Variants in ARGLU1 observed in about 807,000 individuals in gnomAD.
The protein encoded by ARGLU1 is arginine and glutamate-rich protein 1.
ARGLU1 carries 9 observed loss-of-function variants against 37.6 expected under a neutral mutation model. The observed-to-expected ratio is 0.24, with a 90% CI of 0.14 to 0.42. The LOEUF (loss-of-function observed/expected upper bound fraction) is 0.42. ARGLU1 is among the 10% of genes least tolerant of loss of function. The pLI, the probability that ARGLU1 is intolerant of heterozygous loss-of-function variation, is 1.00. For missense variants in ARGLU1, 211 were observed against 359.2 expected (o/e 0.59, Z 3.34); for synonymous variants, 166 against 138.5 (o/e 1.20, Z -1.39).
intron 3 of ARGLU1, among the ~76,000 whole-genome samples, chr13:106,548,961 C>T (rs1406207892): frequency 2.0e-5 from 3 of 152,164 alleles, no homozygotes; most frequent in Non-Finnish European, 4.4e-5. Flanking sequence ...TCTTGTTAGC[C>T]AGGATGGTCT....
At chr13:106,549,700 C>T (rs1010916530) in intron 3 of ARGLU1, among the ~76,000 whole-genome samples, 11 of 152,164 alleles carry the variant, frequency 7.2e-5, no homozygotes, top group Middle Eastern at 3.2e-3. Flanking sequence ...CCTTTACCCC[C>T]TTTTATTCTT....
intron 1 of ARGLU1, among the ~76,000 whole-genome samples, chr13:106,561,482 T>C (rs542137290): frequency 8.1e-4 from 123 of 151,844 alleles, no homozygotes; most frequent in African/African-American, 2.8e-3. Flanking sequence ...TTGGTTCTTC[T>C]GAAATTAGTA....
chr13:106,553,546 A>G (rs1880586425), intron 3 of ARGLU1, among the ~76,000 whole-genome samples: 1 of 152,192 alleles, frequency 6.6e-6, no homozygotes, highest in South Asian at 2.1e-4. Context: ...TTAAATTCTC[A>G]TGATCATCAG....
At chr13:106,559,796 T>C in intron 1 of ARGLU1, 139 bp from the exon 2 acceptor site, 1 of 922,748 alleles carries the variant, frequency 1.1e-6, no homozygotes, top group Non-Finnish European at 1.6e-6. Flanking sequence ...CCATGTCACA[T>C]TTGAGGAAAT....
At chr13:106,566,361 C>A (rs966099331) in intron 1 of ARGLU1, among the ~76,000 whole-genome samples, 9 of 152,164 alleles carry the variant, frequency 5.9e-5, no homozygotes, top group Admixed American at 5.2e-4. Flanking sequence ...ACAAACCCAA[C>A]TACAGAAAAC....
intron 1 of ARGLU1, among the ~76,000 whole-genome samples, chr13:106,560,163 G>A (rs369892395): frequency 2.6e-5 from 4 of 152,190 alleles, no homozygotes; most frequent in African/African-American, 4.8e-5. Flanking sequence ...CTAATAGTGC[G>A]TAGTTTTTAC....
In ARGLU1 at chr13:106,550,797, C is replaced by T. The variant is rs140565107; in HGVS notation, c.657+6251G>A. 7.4e-4 allele frequency among the ~76,000 whole-genome samples: 112 copies of T among 152,256 alleles called. 1 individual carries two copies. Among genetic ancestry groups the T allele is most frequent in the Non-Finnish European group, 1.4e-3 (98 of 68,020 alleles). ...CTGCCAAGGTTTCTTGGTGTGTGGACACTTCACTCCAAGATCAACATCCTC... is the reference window on the plus strand; with the variant it reads ...CTGCCAAGGTTTCTTGGTGTGTGGATACTTCACTCCAAGATCAACATCCTC... On this transcript the variant is annotated intron_variant, in intron 3 of 3. Coordinates refer to ENST00000400198, the MANE Select transcript of ARGLU1 (RefSeq NM_018011.4).
chr13:106,561,762 G>A (rs1163925016), intron 1 of ARGLU1: 3 of 152,194 alleles, frequency 2.0e-5, no homozygotes, highest in African/African-American at 7.2e-5. Flanking sequence ...CAAAAGCGCA[G>A]TGGCTAACAG....
chr13:106,565,359 G>GCGGTTTTTGGAAACTGAATACCCAGAGCA (rs1880933193), intron 1 of ARGLU1, among the ~76,000 whole-genome samples: 1 of 152,122 alleles, frequency 6.6e-6, no homozygotes, highest in Non-Finnish European at 1.5e-5. Context: ...CTCCACATAT[G>GCGGTTTTTGGAAACTGAATACCCAGAGCA]TCCTATACCT....
chr13:106,566,979 T>C (rs1267439237), intron 1 of ARGLU1, among the ~76,000 whole-genome samples: 2 of 151,330 alleles, frequency 1.3e-5, no homozygotes, highest in Non-Finnish European at 1.5e-5. Context: ...GGGTGTAGGC[T>C]CAAGGGGAAA....
chr13:106,544,826 T>G (rs2138962052), intron 3 of ARGLU1, among the ~76,000 whole-genome samples: 1 of 152,254 alleles, frequency 6.6e-6, no homozygotes, highest in African/African-American at 2.4e-5. Context: ...CAGACCCAAT[T>G]ACCTGAAGAA....
intron 2 of ARGLU1, chr13:106,558,098 A>G: frequency 3.0e-6 from 3 of 985,354 alleles, no homozygotes; most frequent in Non-Finnish European, 3.6e-6. Context: ...ATTTGGAAAG[A>G]CTGTCAGAGG....
chr13:106,549,767 T>G (rs1359131086), intron 3 of ARGLU1, among the ~76,000 whole-genome samples: 1 of 152,204 alleles, frequency 6.6e-6, no homozygotes, highest in Non-Finnish European at 1.5e-5. Context: ...AACTTCAACC[T>G]TAGATAATAT....
At chr13:106,554,220 A>C (rs777813643) in intron 3 of ARGLU1, among the ~76,000 whole-genome samples, 1 of 152,202 alleles carries the variant, frequency 6.6e-6, no homozygotes, top group African/African-American at 2.4e-5. Flanking sequence ...AATTATTTTA[A>C]AGCACTTAAT....
At chr13:106,554,287 T>C (rs1880607098) in intron 3 of ARGLU1, among the ~76,000 whole-genome samples, 1 of 152,236 alleles carries the variant, frequency 6.6e-6, no homozygotes. Context: ...AGCAAACAGT[T>C]ACCTTTGATC....
intron 3 of ARGLU1, among the ~76,000 whole-genome samples, chr13:106,547,987 T>C (rs1029751443): frequency 2.0e-5 from 3 of 152,212 alleles, no homozygotes; most frequent in Non-Finnish European, 2.9e-5. Flanking sequence ...GTGTTGTGTA[T>C]GTATGTACAG....
At chr13:106,547,366 C>T (rs1880419745) in intron 3 of ARGLU1, among the ~76,000 whole-genome samples, 1 of 152,106 alleles carries the variant, frequency 6.6e-6, no homozygotes, top group Non-Finnish European at 1.5e-5. Flanking sequence ...ACTTGTACAG[C>T]AATGTGCAAA....
At chr13:106,546,321 A>G (rs985022381) in intron 3 of ARGLU1, among the ~76,000 whole-genome samples, 2 of 152,156 alleles carry the variant, frequency 1.3e-5, no homozygotes, top group Non-Finnish European at 2.9e-5. Context: ...TAACTTCCTA[A>G]AGTATAATGT....
intron 3 of ARGLU1, among the ~76,000 whole-genome samples, chr13:106,553,168 T>TA (rs1880576685): frequency 6.6e-6 from 1 of 152,224 alleles, no homozygotes; most frequent in African/African-American, 2.4e-5. Flanking sequence ...AAGTTACACG[T>TA]AAGACTACCA....
Sources: allele counts gnomAD v4.1 joint callset (sites outside exome capture counted in the v4.1 genomes callset), GRCh38; gene constraint gnomAD v4.1.1; transcripts MANE v1.5; gene names NCBI Gene and HGNC (gene_info 2026-07-23, HGNC 2026-07-21).